SETD9: variants seen among roughly 807,000 people sequenced by gnomAD.
SETD9 encodes the protein SET domain containing 9, also known as SET domain-containing protein 9.
A neutral mutation model predicts 36.4 loss-of-function variants in SETD9; 37 were observed. The ratio of observed to expected loss-of-function variants is 1.02; its 90% confidence interval spans 0.78 to 1.34. The LOEUF (loss-of-function observed/expected upper bound fraction) is 1.34, where lower values mean the gene tolerates loss of function less well. Ranked by LOEUF, SETD9 falls within the 40% of genes most tolerant of loss-of-function variation. The pLI, the probability that SETD9 is intolerant of heterozygous loss-of-function variation, is 0.00. For synonymous variants in SETD9, 128 were observed against 132.9 expected, an observed-to-expected ratio of 0.96 and a Z score of 0.26; for missense variants, 323 against 353.2, an observed-to-expected ratio of 0.91 and a Z score of 0.69.
chr5:56,909,385 G>C, upstream of SETD9: 1 of 378,106 alleles, frequency 2.6e-6, no homozygotes. Context: ...GCCCACGGAA[G>C]CACCCGAGCG....
At chr5:56,916,739 A>C (rs1749446559) in intron 5 of SETD9, 76 bp from the exon 6 acceptor site, 5 of 1,485,256 alleles carry the variant, frequency 3.4e-6, no homozygotes, top group Non-Finnish European at 4.5e-6. Flanking sequence ...CCTCTATAAA[A>C]GCCATCTTGG....
downstream of SETD9, among the ~76,000 whole-genome samples, chr5:56,927,097 G>T (rs1310133468): frequency 6.6e-6 from 1 of 150,642 alleles, no homozygotes; most frequent in Non-Finnish European, 1.5e-5. Flanking sequence ...GGAGGGGGAA[G>T]GGACAGAGGG....
In SETD9 at chr5:56,912,980, T is replaced by C. The variant is rs760551059; in HGVS notation, c.467-31T>C. 6.2e-6 allele frequency: 10 copies of C among 1,603,362 alleles called. No homozygotes were observed. In the African/African-American group the frequency reaches 1.2e-4, roughly 19 times the overall value. On this transcript the variant is annotated intron_variant, in intron 2 of 5. Transcript: ENST00000285947. The stretch of plus-strand genomic sequence containing the variant: ...CAGTGTTTATGATTTTTCATGTTGT[T>C]ATCATATTTCTTTGTCTTGTTGTGT...
chr5:56,925,372 C>CA, exon 6 of SETD9: 1 of 451,658 alleles, frequency 2.2e-6, no homozygotes, highest in Non-Finnish European at 4.4e-6. Context: ...AAAGAATCAA[C>CA]AAAAAATCGC....
chr5:56,913,494 C>T (rs1749263046), intron 3 of SETD9, among the ~76,000 whole-genome samples: 2 of 151,652 alleles, frequency 1.3e-5, no homozygotes, highest in Non-Finnish European at 2.9e-5. Flanking sequence ...AGTGATTTTC[C>T]TGCCTCAGCC....
intron 2 of SETD9, among the ~76,000 whole-genome samples, chr5:56,912,587 G>T (rs33318): frequency 0.49 from 74,979 of 151,954 alleles, 20,999 homozygotes; most frequent in Non-Finnish European, 0.64. Context: ...TTCGTCTTTT[G>T]CCAGTGAAAG....
rs149069142 is a variant in SETD9 at position 56,923,551 on chromosome 5, G to A, written c.813-1782G>A. ...TATCATCCAAACAATTCACATCTGT[G>A]GGGTCGCAGACGGTTGCTACACTGT... On this transcript the variant is annotated intron_variant, in intron 5 of 5. Coordinates refer to the SETD9 transcript ENST00000628593. 9.6e-4 allele frequency: 1,544 copies of A among 1,614,060 alleles called. 2 individuals are homozygous for A. Among genetic ancestry groups the A allele is most frequent in the Non-Finnish European group, 1.2e-3 (1,427 of 1,179,976 alleles).
At chr5:56,927,805 T>C (rs1750068539), downstream of SETD9, 1 of 152,230 alleles carries the variant, frequency 6.6e-6, no homozygotes, top group Admixed American at 6.5e-5. Context: ...TACATGTCTC[T>C]ATCATTACAG....
exon 6 of SETD9, chr5:56,925,406 CAA>C: frequency 2.3e-6 from 1 of 441,282 alleles, no homozygotes; most frequent in South Asian, 1.7e-5. Flanking sequence ...GCACTTACAG[CAA>C]AGTTTCAGGA....
At chr5:56,925,539 A>G (rs1322263124), downstream of SETD9, 1 of 221,902 alleles carries the variant, frequency 4.5e-6, no homozygotes, top group East Asian at 1.3e-4. Flanking sequence ...ACTTGGGTAT[A>G]AATATAACAA....
chr5:56,921,514 C>A (rs10045390), downstream of SETD9: 1 of 152,558 alleles, frequency 6.6e-6, no homozygotes, highest in African/African-American at 2.4e-5. Flanking sequence ...TGTGCTACTG[C>A]GTAAACACTT....
At chr5:56,928,756 G>A, downstream of SETD9, 1 of 1,583,862 alleles carries the variant, frequency 6.3e-7, no homozygotes, top group Non-Finnish European at 8.7e-7. Flanking sequence ...GTACTAATCT[G>A]CCTAATTTAC....
chr5:56,914,667 A>G (rs1270703185), intron 4 of SETD9, among the ~76,000 whole-genome samples, 194 bp from the exon 5 acceptor site: 2 of 152,116 alleles, frequency 1.3e-5, no homozygotes, highest in Non-Finnish European at 2.9e-5. Context: ...TATTTTATAT[A>G]TTTATGATTT....
intron 5 of SETD9, chr5:56,923,532 C>T (rs1335837268): frequency 1.2e-6 from 2 of 1,614,122 alleles, no homozygotes; most frequent in Non-Finnish European, 1.7e-6. Context: ...AAGCTATCAT[C>T]CAAACAATTC....
chr5:56,909,752 G>C lies in SETD9; in HGVS notation c.98+9G>C, dbSNP rs1434705967. 6.2e-7 allele frequency: 1 copy of C among 1,608,164 alleles called. No homozygotes were observed. The highest frequency in any genetic ancestry group is 8.5e-7 in the Non-Finnish European group (1 of 1,177,304). ...CTAAGCCACAACCCGAGGTGAGAGGGCGGGACGGCAGAACGAGGGGCACCT... is the reference window on the plus strand; with the variant it reads ...CTAAGCCACAACCCGAGGTGAGAGGCCGGGACGGCAGAACGAGGGGCACCT... On this transcript the variant is annotated intron_variant, in intron 1 of 5. Transcript: ENST00000285947.
chr5:56,918,887 G>C (rs999101340), downstream of SETD9, among the ~76,000 whole-genome samples: 9 of 152,316 alleles, frequency 5.9e-5, no homozygotes, highest in African/African-American at 2.2e-4. Flanking sequence ...ATAATGGCAA[G>C]ATAGGAGCTT....
intron 1 of SETD9, chr5:56,910,060 G>T: frequency 7.8e-7 from 1 of 1,284,256 alleles, no homozygotes; most frequent in Non-Finnish European, 9.9e-7. Flanking sequence ...TGCCGGGCCC[G>T]CGAGGCCGAG....
At chr5:56,923,277 C>T in intron 5 of SETD9, 2 of 1,613,974 alleles carry the variant, frequency 1.2e-6, no homozygotes, top group Non-Finnish European at 1.7e-6. Flanking sequence ...AAGTCCACAC[C>T]CAGGTTATTT....
intron 5 of SETD9, among the ~76,000 whole-genome samples, chr5:56,924,468 A>G (rs1749860812): frequency 6.6e-6 from 1 of 152,208 alleles, no homozygotes; most frequent in African/African-American, 2.4e-5. Context: ...TTAATTCACA[A>G]AATTATATTT....
Sources: allele counts gnomAD v4.1 joint callset (sites outside exome capture counted in the v4.1 genomes callset), GRCh38; gene constraint gnomAD v4.1.1; transcripts MANE v1.5; gene names NCBI Gene and HGNC (gene_info 2026-07-23, HGNC 2026-07-21).